Variants in WWOX observed in about 807,000 individuals in gnomAD.
WWOX encodes WW domain containing oxidoreductase, also known as WW domain-containing oxidoreductase.
In WWOX, 69 loss-of-function variants were observed where a neutral mutation model predicts 46.2. That is an observed-to-expected ratio of 1.49 (90% CI 1.23 to 1.82). The LOEUF (loss-of-function observed/expected upper bound fraction) is 1.82. Among genes scored for constraint, WWOX ranks in the 40% most tolerant of loss-of-function variants. WWOX has a pLI of 0.00. For missense variants in WWOX, 919 were observed against 542.6 expected, an observed-to-expected ratio of 1.69 and a Z score of -6.89; for synonymous variants, 359 against 202.6, an observed-to-expected ratio of 1.77 and a Z score of -6.56.
intron 8 of WWOX, among the ~76,000 whole-genome samples, chr16:78,457,871 G>T (rs757326887): frequency 2.9e-5 from 4 of 140,290 alleles, no homozygotes; most frequent in Non-Finnish European, 6.0e-5. Context: ...AGCCAAGATC[G>T]CCCTACTGCA....
At chr16:78,597,510 C>G (rs1196901746) in intron 8 of WWOX, among the ~76,000 whole-genome samples, 1 of 152,174 alleles carries the variant, frequency 6.6e-6, no homozygotes, top group Admixed American at 6.5e-5. Context: ...CCACAATATG[C>G]TTTGCTTTCT....
intron 4 of WWOX, among the ~76,000 whole-genome samples, chr16:78,140,426 CAG>C (rs1475008439): frequency 6.6e-6 from 1 of 152,088 alleles, no homozygotes; most frequent in Non-Finnish European, 1.5e-5. Flanking sequence ...CTTGGGACAA[CAG>C]AAATTTATTG....
At chr16:78,304,928 T>C (rs140463571) in intron 5 of WWOX, among the ~76,000 whole-genome samples, 5 of 151,928 alleles carry the variant, frequency 3.3e-5, no homozygotes, top group African/African-American at 1.2e-4. Flanking sequence ...TCTCTTTCCT[T>C]CCTCTTTTCC....
chr16:78,443,194 A>C (rs560687998), intron 8 of WWOX, among the ~76,000 whole-genome samples: 1 of 150,480 alleles, frequency 6.6e-6, no homozygotes, highest in Non-Finnish European at 1.5e-5. Flanking sequence ...TGTCCCAGCT[A>C]CTTGGGAGGC....
chr16:78,727,967 C>G (rs984951027), intron 8 of WWOX, among the ~76,000 whole-genome samples: 10 of 149,012 alleles, frequency 6.7e-5, no homozygotes, highest in South Asian at 2.2e-4. Context: ...TAGAAATAGT[C>G]AAATTCTTTA....
chr16:78,620,929 A>C (rs189751636), intron 8 of WWOX, among the ~76,000 whole-genome samples: 1 of 152,284 alleles, frequency 6.6e-6, no homozygotes, highest in Admixed American at 6.5e-5. Context: ...TCACTTACCC[A>C]GATTGTGTTT....
chr16:78,680,191 C>A (rs929586732), intron 8 of WWOX, among the ~76,000 whole-genome samples: 1 of 152,172 alleles, frequency 6.6e-6, no homozygotes, highest in Non-Finnish European at 1.5e-5. Flanking sequence ...TGGTGGATAG[C>A]TTGAGCCCAG....
At chr16:78,978,015 G>C (rs2046607326) in intron 8 of WWOX, among the ~76,000 whole-genome samples, 1 of 152,134 alleles carries the variant, frequency 6.6e-6, no homozygotes, top group Non-Finnish European at 1.5e-5. Flanking sequence ...CACAATAAAA[G>C]TCTGTACCAA....
At chr16:78,260,315 A>C (rs2038245444) in intron 5 of WWOX, among the ~76,000 whole-genome samples, 1 of 151,604 alleles carries the variant, frequency 6.6e-6, no homozygotes, top group Non-Finnish European at 1.5e-5. Flanking sequence ...AAGTTCCCAC[A>C]AAGACCCCAT....
At chr16:78,799,830 C>G (rs569896204) in intron 8 of WWOX, among the ~76,000 whole-genome samples, 2 of 152,194 alleles carry the variant, frequency 1.3e-5, no homozygotes, top group East Asian at 3.9e-4. Context: ...CCAATTATAC[C>G]CAATATACAA....
At chr16:79,195,963 C>T (rs1051981167) in intron 8 of WWOX, among the ~76,000 whole-genome samples, 1 of 152,178 alleles carries the variant, frequency 6.6e-6, no homozygotes, top group Non-Finnish European at 1.5e-5. Flanking sequence ...GGTAAAGATG[C>T]CTTTGTTTAA....
intron 8 of WWOX, chr16:78,825,560 G>A: frequency 1.9e-6 from 1 of 532,130 alleles, no homozygotes; most frequent in South Asian, 1.4e-5. Context: ...TGGCCCCAGA[G>A]GTCTGTGTGC....
intron 6 of WWOX, among the ~76,000 whole-genome samples, chr16:78,413,507 CCTT>C (rs1288094040): frequency 1.3e-5 from 2 of 152,104 alleles, no homozygotes; most frequent in African/African-American, 4.8e-5. Flanking sequence ...TTACAAAGAA[CCTT>C]CTTAAAGGTG....
chr16:78,157,205 G>A (rs1300736837), intron 4 of WWOX, among the ~76,000 whole-genome samples: 4 of 152,116 alleles, frequency 2.6e-5, no homozygotes, highest in Non-Finnish European at 2.9e-5. Context: ...GAAGTCCCGG[G>A]CTCCCAAATG....
intron 5 of WWOX, among the ~76,000 whole-genome samples, chr16:78,189,146 GC>G (rs1278330156): frequency 6.6e-6 from 1 of 152,168 alleles, no homozygotes; most frequent in Non-Finnish European, 1.5e-5. Flanking sequence ...TCTGAGCCAA[GC>G]CAGAAACTGG....
chr16:79,158,607 C>A (rs980133841), intron 8 of WWOX, among the ~76,000 whole-genome samples: 2 of 152,236 alleles, frequency 1.3e-5, no homozygotes, highest in Admixed American at 1.3e-4. Context: ...ACACCAAGTT[C>A]CTGCATTCCC....
chr16:78,759,132 G>T (rs1172845921), intron 8 of WWOX, among the ~76,000 whole-genome samples: 3 of 152,094 alleles, frequency 2.0e-5, no homozygotes, highest in African/African-American at 7.2e-5. Context: ...TGGCTGATCT[G>T]TGCAATTTTT....
At chr16:78,234,122 T>A (rs78673208) in intron 5 of WWOX, among the ~76,000 whole-genome samples, 79,795 of 150,196 alleles carry the variant, frequency 0.53, 21,414 homozygotes, top group Admixed American at 0.67. Context: ...TTCATATTCT[T>A]TTTTTTTTTT....
intron 8 of WWOX, among the ~76,000 whole-genome samples, chr16:78,567,081 A>C (rs981702485): frequency 3.9e-5 from 6 of 152,194 alleles, no homozygotes; most frequent in Non-Finnish European, 8.8e-5. Flanking sequence ...TGTATTCATC[A>C]TTCTCAGTAT....
Sources: gnomAD v4.1 joint callset for allele counts (sites outside exome capture counted in the v4.1 genomes callset) on GRCh38, gnomAD v4.1.1 for gene constraint, MANE v1.5 for transcripts, NCBI Gene and HGNC (gene_info 2026-07-23, HGNC 2026-07-21) for gene names.